The following SEMA6A variants were observed in gnomAD, a reference collection of about 807,000 sequenced individuals.
SEMA6A encodes semaphorin 6A.
Under a neutral mutation model 96.8 loss-of-function variants are expected in SEMA6A, and 25 were observed. That is an observed-to-expected ratio of 0.26 (90% confidence interval 0.19 to 0.36). The LOEUF is 0.36. SEMA6A is among the 10% of genes least tolerant of loss of function. The pLI is 1.00. For synonymous variants in SEMA6A, 612 were observed against 518.0 expected, an observed-to-expected ratio of 1.18 and a Z score of -2.46; for missense variants, 1,363 against 1,323.1, an observed-to-expected ratio of 1.03 and a Z score of -0.47.
At chr5:116,461,037 G>A (rs531517047) in intron 18 of SEMA6A, among the ~76,000 whole-genome samples, 17 of 152,138 alleles carry the variant, frequency 1.1e-4, no homozygotes, top group African/African-American at 3.6e-4. Flanking sequence ...TTTATGGGTC[G>A]TGTATAGCAC....
intron 1 of SEMA6A, chr5:116,508,344 A>C (rs559224722): frequency 6.6e-6 from 1 of 152,254 alleles, no homozygotes; most frequent in South Asian, 2.1e-4. Context: ...TCAGCCAAGC[A>C]TGAAGCAAAA....
intron 1 of SEMA6A, among the ~76,000 whole-genome samples, chr5:116,509,461 AAGTT>A (rs1475449184): frequency 2.0e-5 from 3 of 152,190 alleles, no homozygotes; most frequent in Admixed American, 6.5e-5. Flanking sequence ...GACCTTGGGC[AAGTT>A]AGTCAGCCTC....
chr5:116,541,684 T>G (rs187649980), intron 1 of SEMA6A, among the ~76,000 whole-genome samples: 200 of 152,160 alleles, frequency 1.3e-3, no homozygotes, highest in African/African-American at 4.5e-3. Context: ...GATACAAAAA[T>G]TAGCTGGGCG....
At chr5:116,524,036 C>T (rs1759092893) in intron 1 of SEMA6A, among the ~76,000 whole-genome samples, 1 of 152,146 alleles carries the variant, frequency 6.6e-6, no homozygotes, top group South Asian at 2.1e-4. Flanking sequence ...TCATGCCAAC[C>T]CACTTACAGA....
intron 1 of SEMA6A, among the ~76,000 whole-genome samples, chr5:116,505,252 G>A (rs985223423): frequency 6.6e-6 from 1 of 152,096 alleles, no homozygotes; most frequent in Non-Finnish European, 1.5e-5. Context: ...GGCTTTTATA[G>A]ATGGCTATTT....
intron 18 of SEMA6A, among the ~76,000 whole-genome samples, chr5:116,454,359 T>G (rs553179169): frequency 1.3e-5 from 2 of 152,274 alleles, no homozygotes; most frequent in East Asian, 3.9e-4. Context: ...GCCTACAATT[T>G]CCTTGAAATC....
rs542752004 is a variant in SEMA6A at position 116,510,170 on chromosome 5, G to C, written c.-38-5188C>G. ...CTATACTGCCTAGTCTCAACTTCAG[G>C]ACCCAGTTCAAGTAGATAAGCAGTT... On this transcript the variant is annotated intron_variant, in intron 1 of 18. Coordinates refer to ENST00000343348, the MANE Select transcript of SEMA6A (RefSeq NM_020796.5). Among the ~76,000 whole-genome samples, 35 of 151,986 alleles carry C rather than the reference G, an allele frequency of 2.3e-4. No individual in the cohort carries two copies. In the South Asian group the frequency reaches 5.9e-3, roughly 25 times the overall value.
intron 2 of SEMA6A, among the ~76,000 whole-genome samples, chr5:116,503,427 T>G (rs555996208): frequency 1.3e-5 from 2 of 152,278 alleles, no homozygotes; most frequent in African/African-American, 4.8e-5. Flanking sequence ...TCAAGGAGAT[T>G]GCTAAAACAA....
intron 10 of SEMA6A, among the ~76,000 whole-genome samples, chr5:116,484,074 A>G (rs1413075509): frequency 6.6e-6 from 1 of 151,814 alleles, no homozygotes; most frequent in South Asian, 2.1e-4. Context: ...AAGAAAAAAA[A>G]AAAAAAAAAA....
chr5:116,536,383 C>T (rs1046631801), intron 1 of SEMA6A: 6 of 152,078 alleles, frequency 3.9e-5, no homozygotes, highest in Non-Finnish European at 8.8e-5. Flanking sequence ...AGATATTTAC[C>T]ATCAGCTTGG....
intron 1 of SEMA6A, among the ~76,000 whole-genome samples, chr5:116,563,608 G>C (rs912088735): frequency 6.6e-6 from 1 of 152,130 alleles, no homozygotes; most frequent in Non-Finnish European, 1.5e-5. Context: ...TACACAAAAA[G>C]TACTTTTTAC....
chr5:116,458,911 G>T (rs1482409474), intron 18 of SEMA6A, among the ~76,000 whole-genome samples: 1 of 151,966 alleles, frequency 6.6e-6, no homozygotes, highest in Admixed American at 6.6e-5. Flanking sequence ...CCCTGCACAC[G>T]TTCAAACATG....
Position 116,447,237 on chromosome 5 carries a change from C to T in SEMA6A, c.2469G>A (p.Gln823=), listed in dbSNP as rs1400632612. Residue 823 remains glutamine (Q), a synonymous_variant, in exon 19 of 19, where the codon CAG becomes CAA. Coordinates refer to ENST00000343348, the MANE Select transcript of SEMA6A (RefSeq NM_020796.5). ...PSVVVLPITQ[Q]GYQHEYVDQP... ...GGTCCACGTACTCATGCTGGTAGCC[C>T]TGCTGCGTGATGGGCAGGACCACCA... is the stretch of plus-strand genomic sequence containing the variant. The T allele has an allele frequency of 1.2e-6, 2 of 1,614,036 alleles. No individual in the cohort carries two copies. The highest frequency in any genetic ancestry group is 8.5e-7 in the Non-Finnish European group (1 of 1,179,900).
chr5:116,563,389 G>A (rs1760896572), intron 1 of SEMA6A, among the ~76,000 whole-genome samples: 1 of 152,096 alleles, frequency 6.6e-6, no homozygotes, highest in Admixed American at 6.5e-5. Context: ...TTCTTTGTAT[G>A]ACCATTCTGA....
At chr5:116,488,066 G>T in intron 9 of SEMA6A, 42 bp downstream of exon 9, 1 of 1,333,438 alleles carries the variant, frequency 7.5e-7, no homozygotes, top group Non-Finnish European at 1.1e-6. Context: ...GTGGGTTTCT[G>T]AAAATGTTAC....
At chr5:116,467,160 T>C (rs1755807936) in intron 18 of SEMA6A, among the ~76,000 whole-genome samples, 1 of 152,198 alleles carries the variant, frequency 6.6e-6, no homozygotes, top group Non-Finnish European at 1.5e-5. Flanking sequence ...TTTGTCCTGC[T>C]ATTTCTCAAT....
intron 1 of SEMA6A, among the ~76,000 whole-genome samples, chr5:116,572,837 C>G (rs1761279821): frequency 6.6e-6 from 1 of 152,214 alleles, no homozygotes; most frequent in Non-Finnish European, 1.5e-5. Flanking sequence ...ATGCTGAGCC[C>G]CAGTCCGGTC....
At chr5:116,551,280 A>G (rs1760393833) in intron 1 of SEMA6A, among the ~76,000 whole-genome samples, 1 of 151,200 alleles carries the variant, frequency 6.6e-6, no homozygotes, top group South Asian at 2.1e-4. Context: ...TGCCCGTGTT[A>G]CAAGTGTAGA....
intron 12 of SEMA6A, among the ~76,000 whole-genome samples, 196 bp downstream of exon 12, chr5:116,479,926 T>A (rs1177802968): frequency 6.6e-6 from 1 of 152,196 alleles, no homozygotes; most frequent in East Asian, 1.9e-4. Flanking sequence ...CCTGAAAATA[T>A]TGGAACTCTT....
Sources: gnomAD v4.1 joint callset for allele counts (sites outside exome capture counted in the v4.1 genomes callset) on GRCh38, gnomAD v4.1.1 for gene constraint, MANE v1.5 for transcripts, NCBI Gene and HGNC (gene_info 2026-07-23, HGNC 2026-07-21) for gene names.